The following PDE1C variants were observed in gnomAD, a reference collection of about 807,000 sequenced individuals.
PDE1C encodes the protein phosphodiesterase 1C.
In PDE1C, 62 loss-of-function variants were observed where a neutral mutation model predicts 93.1. The observed-to-expected ratio is 0.67, with a 90% CI of 0.54 to 0.82. The LOEUF is 0.82. PDE1C is among the 40% of genes least tolerant of loss of function. The pLI is 0.00. For synonymous variants in PDE1C, 325 were observed against 310.1 expected, an observed-to-expected ratio of 1.05 and a Z score of -0.50; for missense variants, 742 against 884.6, an observed-to-expected ratio of 0.84 and a Z score of 2.04.
At chr7:31,924,495 G>A (rs1803083155) in intron 2 of PDE1C, among the ~76,000 whole-genome samples, 1 of 152,170 alleles carries the variant, frequency 6.6e-6, no homozygotes, top group Non-Finnish European at 1.5e-5. Flanking sequence ...TGCCTTATAG[G>A]CATCATGACT....
intron 3 of PDE1C, among the ~76,000 whole-genome samples, chr7:32,120,048 T>C (rs1036124078): frequency 1.3e-5 from 2 of 152,314 alleles, no homozygotes; most frequent in East Asian, 1.9e-4. Flanking sequence ...GCTTTTCCCC[T>C]GCTAGAGCCA....
At chr7:31,687,491 G>A in the PDE1C span, among the ~76,000 whole-genome samples, 1 of 152,210 alleles carries the variant, frequency 6.6e-6, no homozygotes, top group Non-Finnish European at 1.5e-5. Context: ...CCAAGGGAGG[G>A]AATGGAGTTC....
Position 31,974,899 on chromosome 7 carries a change from C to A in PDE1C, c.128+76655G>T, listed in dbSNP as rs1012558592. 2.6e-5 allele frequency among the ~76,000 whole-genome samples: 4 copies of A among 152,152 alleles called. No homozygotes were observed. In the East Asian group the frequency reaches 7.7e-4, roughly 29 times the overall value. On this transcript the variant is annotated intron_variant, in intron 2 of 17. Coordinates refer to ENST00000396191, the MANE Select transcript of PDE1C (RefSeq NM_001191057.4). Reference sequence around the variant, plus strand: ...GATTAATTTTATAATGTGTACAGTACAGCTCAATAAAACTATTTGGAAAAA... The same window carrying A: ...GATTAATTTTATAATGTGTACAGTAAAGCTCAATAAAACTATTTGGAAAAA...
the PDE1C span, among the ~76,000 whole-genome samples, chr7:31,640,182 TC>T: frequency 1.3e-5 from 2 of 152,318 alleles, no homozygotes; most frequent in African/African-American, 4.8e-5. Context: ...GCAAGACACT[TC>T]TGAGTATTCT....
the PDE1C span, among the ~76,000 whole-genome samples, chr7:31,677,923 T>A: frequency 6.6e-6 from 1 of 152,128 alleles, no homozygotes; most frequent in African/African-American, 2.4e-5. Context: ...AATCTTAGGA[T>A]CATTTGATAA....
intron 2 of PDE1C, among the ~76,000 whole-genome samples, chr7:31,885,948 G>A (rs531630570): frequency 6.6e-6 from 1 of 152,276 alleles, no homozygotes; most frequent in South Asian, 2.1e-4. Context: ...AAGAAGCTAT[G>A]GAAACATACT....
intron 2 of PDE1C, among the ~76,000 whole-genome samples, chr7:31,971,910 G>C (rs575222469): frequency 2.0e-5 from 3 of 152,176 alleles, no homozygotes; most frequent in Non-Finnish European, 4.4e-5. Context: ...GACTAAGGAT[G>C]GTAATAACCG....
chr7:32,230,406 C>A (rs1349616725), intron 1 of PDE1C, among the ~76,000 whole-genome samples: 1 of 152,158 alleles, frequency 6.6e-6, no homozygotes, highest in Non-Finnish European at 1.5e-5. Flanking sequence ...ACTGGGCTGC[C>A]TCATTAACAG....
intron 2 of PDE1C, among the ~76,000 whole-genome samples, chr7:31,957,094 T>G (rs1808250987): frequency 6.6e-6 from 1 of 151,400 alleles, no homozygotes; most frequent in Admixed American, 6.6e-5. Flanking sequence ...TAAAAATAAT[T>G]GCTCTGTATT....
rs140125193 is a variant in PDE1C at position 32,153,276 on chromosome 7, G to A, written c.308+16509C>T. On this transcript the variant is annotated intron_variant, in intron 3 of 18. Transcript: ENST00000396193. Reference sequence around the variant, plus strand: ...AAATGGCATGGACATATGGCATCTCGTGGGGTGGGAAAGCTCATTCTGTGA... The same window carrying A: ...AAATGGCATGGACATATGGCATCTCATGGGGTGGGAAAGCTCATTCTGTGA... 8.4e-4 allele frequency among the ~76,000 whole-genome samples: 128 copies of A among 152,294 alleles called. 1 individual carries two copies. The highest frequency in any genetic ancestry group is 2.4e-3 in the African/African-American group (100 of 41,558).
At chr7:31,652,156 T>A in the PDE1C span, 3 of 856,046 alleles carry the variant, frequency 3.5e-6, no homozygotes, top group Non-Finnish European at 1.9e-6. Context: ...TAGGTTTACA[T>A]GCCAACACCT....
At chr7:31,889,172 A>C (rs1798322003) in intron 2 of PDE1C, among the ~76,000 whole-genome samples, 1 of 152,252 alleles carries the variant, frequency 6.6e-6, no homozygotes, top group African/African-American at 2.4e-5. Context: ...AAATGTGAAG[A>C]ATGAAATATA....
chr7:31,845,937 G>C (rs1488939815), intron 9 of PDE1C, among the ~76,000 whole-genome samples: 1 of 152,130 alleles, frequency 6.6e-6, no homozygotes, highest in Non-Finnish European at 1.5e-5. Context: ...AGGTTGCAGT[G>C]AGCCAAGATC....
chr7:32,106,779 C>T (rs983206662), intron 3 of PDE1C, among the ~76,000 whole-genome samples: 1 of 151,034 alleles, frequency 6.6e-6, no homozygotes, highest in Non-Finnish European at 1.5e-5. Context: ...TGGCTTTCAA[C>T]AAAAAATTAT....
At chr7:32,401,010 A>G (rs2128095452) in intron 1 of PDE1C, among the ~76,000 whole-genome samples, 1 of 152,356 alleles carries the variant, frequency 6.6e-6, no homozygotes, top group South Asian at 2.1e-4. Context: ...AGCTCCTGGC[A>G]TACATAGGCT....
intron 2 of PDE1C, among the ~76,000 whole-genome samples, chr7:31,957,878 G>A (rs1808366091): frequency 6.6e-6 from 1 of 152,054 alleles, no homozygotes; most frequent in South Asian, 2.1e-4. Flanking sequence ...TTTTTAACAA[G>A]TTACCATCCA....
intron 1 of PDE1C, among the ~76,000 whole-genome samples, chr7:32,257,408 T>C (rs562355265): frequency 1.3e-5 from 2 of 152,294 alleles, no homozygotes; most frequent in East Asian, 1.9e-4. Flanking sequence ...ACCAACTCCA[T>C]GAATTCAAAT....
chr7:31,877,360 C>CAGTCA (rs1313457947), intron 5 of PDE1C, among the ~76,000 whole-genome samples: 4 of 152,132 alleles, frequency 2.6e-5, no homozygotes, highest in Admixed American at 6.5e-5. Context: ...TAAACTCAAG[C>CAGTCA]ATTTGTATGA....
At chr7:32,296,534 T>A (rs1205547687) in intron 1 of PDE1C, among the ~76,000 whole-genome samples, 2 of 152,226 alleles carry the variant, frequency 1.3e-5, no homozygotes, top group Non-Finnish European at 2.9e-5. Context: ...CAATCTGAAA[T>A]AAGTTGGCAG....
Sources: allele counts gnomAD v4.1 joint callset (sites outside exome capture counted in the v4.1 genomes callset), GRCh38; gene constraint gnomAD v4.1.1; transcripts MANE v1.5; gene names NCBI Gene and HGNC (gene_info 2026-07-23, HGNC 2026-07-21).